The following GALNT13 variants were observed in gnomAD, a reference collection of about 807,000 sequenced individuals.
GALNT13 encodes the protein UDP-GalNAc:polypeptide N-acetylgalactosaminyltransferase 13.
A neutral mutation model predicts 64.2 loss-of-function variants in GALNT13; 28 were observed. The observed-to-expected ratio is 0.44, with a 90% CI of 0.32 to 0.60. GALNT13 has a LOEUF of 0.60. Among genes scored for constraint, GALNT13 ranks in the 20% least tolerant of loss-of-function variants. GALNT13 has a pLI of 0.05. For missense variants in GALNT13, 577 were observed against 669.8 expected (o/e 0.86, Z 1.53); for synonymous variants, 214 against 224.6 (o/e 0.95, Z 0.42).
At chr2:153,997,565 G>A (rs1401324577) in intron 3 of GALNT13, among the ~76,000 whole-genome samples, 1 of 152,096 alleles carries the variant, frequency 6.6e-6, no homozygotes, top group Non-Finnish European at 1.5e-5. Flanking sequence ...AGTTCTAACA[G>A]TTTTGTGGTG....
the GALNT13 span, among the ~76,000 whole-genome samples, chr2:153,189,178 C>T: frequency 6.6e-6 from 1 of 152,116 alleles, no homozygotes; most frequent in Non-Finnish European, 1.5e-5. Flanking sequence ...CTCATTCTCA[C>T]TTTCTTGGAT....
chr2:153,846,473 ATT>A, the GALNT13 span, among the ~76,000 whole-genome samples: 1 of 152,142 alleles, frequency 6.6e-6, no homozygotes, highest in South Asian at 2.1e-4. Flanking sequence ...TGTTGGTTCA[ATT>A]AAAAGAAAAG....
At chr2:153,186,919 G>C in the GALNT13 span, among the ~76,000 whole-genome samples, 1 of 152,108 alleles carries the variant, frequency 6.6e-6, no homozygotes, top group Non-Finnish European at 1.5e-5. Context: ...ATATTTAGTA[G>C]TTTTTTCAGG....
chr2:153,668,721 C>T, the GALNT13 span, among the ~76,000 whole-genome samples: 3 of 152,184 alleles, frequency 2.0e-5, no homozygotes, highest in African/African-American at 4.8e-5. Flanking sequence ...GCGACCCACA[C>T]GTATCACAGA....
At chr2:153,478,741 C>G in the GALNT13 span, 1 of 605,050 alleles carries the variant, frequency 1.7e-6, no homozygotes, top group South Asian at 2.2e-5. Context: ...CTCTCCGACG[C>G]GCGCAGCAGC....
intron 1 of GALNT13, among the ~76,000 whole-genome samples, chr2:153,884,881 ACAC>A (rs1220565583): frequency 1.8e-4 from 25 of 140,332 alleles, no homozygotes; most frequent in Admixed American, 1.8e-3. Context: ...ACACACACAC[ACAC>A]ATTTTTTAGC....
At chr2:153,776,845 T>C in the GALNT13 span, among the ~76,000 whole-genome samples, 1 of 152,204 alleles carries the variant, frequency 6.6e-6, no homozygotes, top group Non-Finnish European at 1.5e-5. Flanking sequence ...ACTTCTCTAC[T>C]TTGATTATTA....
the GALNT13 span, among the ~76,000 whole-genome samples, chr2:153,743,443 A>T: frequency 1.3e-5 from 2 of 151,938 alleles, no homozygotes; most frequent in South Asian, 4.1e-4. Context: ...ATATAATTCT[A>T]TTTAGTTTTT....
the GALNT13 span, among the ~76,000 whole-genome samples, chr2:153,757,879 T>C: frequency 6.6e-6 from 1 of 152,216 alleles, no homozygotes; most frequent in African/African-American, 2.4e-5. Context: ...ATATTTTGAA[T>C]ATTAACTCCT....
At chr2:153,678,156 A>AAT in the GALNT13 span, among the ~76,000 whole-genome samples, 23,182 of 145,466 alleles carry the variant, frequency 0.16, 2,207 homozygotes, top group African/African-American at 0.28. Context: ...CCGACAAATG[A>AAT]ATATATATAT....
the GALNT13 span, among the ~76,000 whole-genome samples, chr2:153,605,252 T>C: frequency 6.6e-6 from 1 of 152,212 alleles, no homozygotes; most frequent in East Asian, 1.9e-4. Flanking sequence ...ATAGGCTCTT[T>C]ACACAGAGCT....
At chr2:153,929,295 C>T (rs1049354508) in intron 2 of GALNT13, among the ~76,000 whole-genome samples, 6 of 152,166 alleles carry the variant, frequency 3.9e-5, no homozygotes, top group African/African-American at 9.7e-5. Flanking sequence ...GTGCTATCCC[C>T]GGCCTTATCC....
At chr2:154,182,641 A>G (rs1045130683) in intron 4 of GALNT13, among the ~76,000 whole-genome samples, 14 of 148,464 alleles carry the variant, frequency 9.4e-5, no homozygotes, top group African/African-American at 3.2e-4. Flanking sequence ...TATATGGTAT[A>G]TAATATATAA....
intron 3 of GALNT13, among the ~76,000 whole-genome samples, chr2:153,980,880 T>G (rs1694415927): frequency 6.6e-6 from 1 of 152,184 alleles, no homozygotes; most frequent in South Asian, 2.1e-4. Flanking sequence ...TGGCTCAGAA[T>G]ACCTCGTATA....
At chr2:153,140,847 C>T in the GALNT13 span, among the ~76,000 whole-genome samples, 2 of 152,046 alleles carry the variant, frequency 1.3e-5, no homozygotes, top group South Asian at 2.1e-4. Flanking sequence ...TGAATTAATG[C>T]TTCATATACA....
intron 1 of GALNT13, among the ~76,000 whole-genome samples, chr2:153,886,994 G>A (rs1013673620): frequency 1.3e-5 from 2 of 151,972 alleles, no homozygotes; most frequent in African/African-American, 2.4e-5. Flanking sequence ...ATTACTAGAA[G>A]TATGACAGAA....
At chr2:153,846,816 T>A in the GALNT13 span, among the ~76,000 whole-genome samples, 1 of 152,128 alleles carries the variant, frequency 6.6e-6, no homozygotes, top group Non-Finnish European at 1.5e-5. Context: ...CAATTGCATC[T>A]GCACCAAACC....
chr2:153,583,626 C>A, the GALNT13 span, among the ~76,000 whole-genome samples: 320 of 152,168 alleles, frequency 2.1e-3, 3 homozygotes, highest in African/African-American at 7.5e-3. Flanking sequence ...GCATATTCAC[C>A]CTCCCAAGCT....
At chr2:154,357,206 C>A (rs1251980143) in intron 9 of GALNT13, among the ~76,000 whole-genome samples, 1 of 151,996 alleles carries the variant, frequency 6.6e-6, no homozygotes, top group Non-Finnish European at 1.5e-5. Context: ...TCTCTAAGAT[C>A]TCTTTTAGCT....
Sources: allele counts gnomAD v4.1 joint callset (sites outside exome capture counted in the v4.1 genomes callset), GRCh38; gene constraint gnomAD v4.1.1; transcripts MANE v1.5; gene names NCBI Gene and HGNC (gene_info 2026-07-23, HGNC 2026-07-21).